LTBP1: variants seen among roughly 807,000 people sequenced by gnomAD.
LTBP1 encodes the protein latent-transforming growth factor beta-binding protein 1.
In LTBP1, 129 loss-of-function variants were observed where a neutral mutation model predicts 207.6. The ratio of observed to expected loss-of-function variants is 0.62; its 90% CI spans 0.54 to 0.72. The LOEUF (loss-of-function observed/expected upper bound fraction) is 0.72. Ranked by LOEUF, LTBP1 falls within the 30% of genes least tolerant of loss-of-function variation. The pLI is 0.00. For missense variants in LTBP1, 2,281 were observed against 2,217.2 expected (o/e 1.03, Z -0.58); for synonymous variants, 963 against 833.7 (o/e 1.16, Z -2.67).
At chr2:33,281,653 C>T (rs2093561432) in intron 19 of LTBP1, among the ~76,000 whole-genome samples, 1 of 152,188 alleles carries the variant, frequency 6.6e-6, no homozygotes, top group Admixed American at 6.5e-5. Context: ...ACGGAGAGCT[C>T]CGTGTCCTGA....
intron 24 of LTBP1, among the ~76,000 whole-genome samples, chr2:33,315,769 T>C (rs746279402): frequency 3.3e-5 from 5 of 152,094 alleles, no homozygotes; most frequent in Admixed American, 6.6e-5. Context: ...AAACCTCATC[T>C]CTACTGAATA....
At chr2:33,276,238 A>C (rs1195697570) in intron 18 of LTBP1, among the ~76,000 whole-genome samples, 1 of 152,218 alleles carries the variant, frequency 6.6e-6, no homozygotes, top group African/African-American at 2.4e-5. Context: ...CGGACCATTC[A>C]TCTGGGAACA....
chr2:33,089,152 T>A (rs1572580747), intron 3 of LTBP1, among the ~76,000 whole-genome samples: 2 of 40,298 alleles, frequency 5.0e-5, no homozygotes, highest in Admixed American at 4.1e-4. Flanking sequence ...TAAGACTCAG[T>A]CTCAAAAAAA....
At chr2:33,389,770 G>A (rs1006278942) in intron 32 of LTBP1, among the ~76,000 whole-genome samples, 2 of 152,112 alleles carry the variant, frequency 1.3e-5, no homozygotes, top group Non-Finnish European at 2.9e-5. Flanking sequence ...CTCCCAAGTA[G>A]CTGGGATTGC....
rs754506495 is a variant in LTBP1, at chr2:33,301,555, C to A, written c.3392C>A (p.Ala1131Asp). The A allele has an allele frequency of 2.5e-6, 4 of 1,611,302 alleles. No individual in the cohort carries two copies. In the South Asian group the frequency reaches 4.4e-5, roughly 18 times the overall value. Residue 1131 changes from alanine (A) to aspartate (D), a missense_variant, in exon 22 of 34, where the codon GCT becomes GAT. Transcript: ENST00000404816. ...IDECQHRHLC[A>D]HGQCRNTEGS... ...GAATGCCAGCACCGTCATCTCTGTG[C>A]TCATGGGCAGTGCAGGAACACTGAG...
rs191252974 is a variant in LTBP1, at chr2:33,003,032, G to A, written c.566-17877G>A. 2.1e-3 allele frequency among the ~76,000 whole-genome samples: 315 copies of A among 152,248 alleles called. 1 individual carries two copies. Among genetic ancestry groups the A allele is most frequent in the African/African-American group, 6.3e-3 (261 of 41,548 alleles). On this transcript the variant is annotated intron_variant, in intron 2 of 33. Transcript: ENST00000404816. ...CGATTTGGTCCTTCCCTTACAATACGTAGAATAATAAAAGCTAGCAATGTT... is the reference window on the plus strand; with the variant it reads ...CGATTTGGTCCTTCCCTTACAATACATAGAATAATAAAAGCTAGCAATGTT...
At chr2:33,091,841 C>G (rs2079112802) in intron 3 of LTBP1, among the ~76,000 whole-genome samples, 1 of 152,120 alleles carries the variant, frequency 6.6e-6, no homozygotes, top group South Asian at 2.1e-4. Context: ...ACTTTCTGAG[C>G]TTTTCTTGGT....
chr2:33,036,918 C>G (rs1670067641), intron 3 of LTBP1, among the ~76,000 whole-genome samples: 1 of 151,904 alleles, frequency 6.6e-6, no homozygotes, highest in South Asian at 2.1e-4. Context: ...AAATGGCTTT[C>G]TTACAGTGAA....
chr2:33,098,765 C>G, intron 3 of LTBP1, among the ~76,000 whole-genome samples: 1 of 152,120 alleles, frequency 6.6e-6, no homozygotes, highest in East Asian at 1.9e-4. Flanking sequence ...TTTATAAAGT[C>G]AATATATTTT....
intron 5 of LTBP1, among the ~76,000 whole-genome samples, chr2:33,172,343 G>A (rs1023543423): frequency 3.9e-5 from 6 of 152,004 alleles, no homozygotes; most frequent in Non-Finnish European, 8.8e-5. Context: ...AAAAAGGCAG[G>A]GGTTGCAATC....
chr2:33,125,610 A>G (rs1377524334), intron 4 of LTBP1, among the ~76,000 whole-genome samples: 1 of 152,078 alleles, frequency 6.6e-6, no homozygotes, highest in Non-Finnish European at 1.5e-5. Context: ...AGGCGGGTGG[A>G]TCACGAGGTC....
Position 33,030,649 on chromosome 2 carries a change from G to C in LTBP1, c.863+9443G>C, listed in dbSNP as rs114280295. Among the ~76,000 whole-genome samples the C allele has an allele frequency of 3.3e-5, 5 of 152,178 alleles. No individual in the cohort carries two copies. The South Asian group carries it at 8.3e-4, about 25-fold the overall frequency. On this transcript the variant is annotated intron_variant, in intron 3 of 33. Coordinates refer to ENST00000404816, the MANE Select transcript of LTBP1 (RefSeq NM_206943.4). Reference sequence around the variant, plus strand: ...CTCCTTGATTAATTTCTTTGTTGCCGTGCTGCTTTGTATTAATTTAATTTA... The same window carrying C: ...CTCCTTGATTAATTTCTTTGTTGCCCTGCTGCTTTGTATTAATTTAATTTA...
chr2:33,260,110 G>A (rs1162521611), intron 13 of LTBP1, among the ~76,000 whole-genome samples: 1 of 152,170 alleles, frequency 6.6e-6, no homozygotes, highest in Non-Finnish European at 1.5e-5. Context: ...CTAGAATGTT[G>A]CTTTTTGAAA....
intron 7 of LTBP1, among the ~76,000 whole-genome samples, chr2:33,194,955 C>T (rs1399860642): frequency 6.6e-6 from 1 of 152,206 alleles, no homozygotes; most frequent in Non-Finnish European, 1.5e-5. Flanking sequence ...TGTACTCTGC[C>T]TGTGCTATAT....
intron 2 of LTBP1, among the ~76,000 whole-genome samples, chr2:33,014,842 C>G (rs1252423624): frequency 6.6e-6 from 1 of 152,108 alleles, no homozygotes; most frequent in African/African-American, 2.4e-5. Context: ...TTGACTGTTT[C>G]AAATGATGAA....
At chr2:33,058,484 G>C (rs546292115) in intron 3 of LTBP1, among the ~76,000 whole-genome samples, 3 of 152,198 alleles carry the variant, frequency 2.0e-5, no homozygotes, top group Non-Finnish European at 4.4e-5. Context: ...GAATCAAAGA[G>C]TTGGGTCTTC....
chr2:33,108,988 T>G (rs1201540156), intron 3 of LTBP1, among the ~76,000 whole-genome samples: 1 of 152,266 alleles, frequency 6.6e-6, no homozygotes. Context: ...AGTGCCCTTG[T>G]GTGGTATTGC....
At chr2:33,363,289 A>G in intron 28 of LTBP1, 101 bp from the exon 29 acceptor site, 2 of 1,156,466 alleles carry the variant, frequency 1.7e-6, no homozygotes, top group Non-Finnish European at 2.4e-6. Context: ...GAATGTAAAT[A>G]TTATAATATC....
intron 20 of LTBP1, among the ~76,000 whole-genome samples, chr2:33,297,236 G>A (rs2093894755): frequency 6.6e-6 from 1 of 151,916 alleles, no homozygotes; most frequent in South Asian, 2.1e-4. Flanking sequence ...TCCCATTACA[G>A]CCTGGGATGC....
Sources: allele counts gnomAD v4.1 joint callset (sites outside exome capture counted in the v4.1 genomes callset), GRCh38; gene constraint gnomAD v4.1.1; transcripts MANE v1.5; gene names NCBI Gene and HGNC (gene_info 2026-07-23, HGNC 2026-07-21).